Variants in UBE2D4 observed in about 807,000 individuals in gnomAD.
UBE2D4 encodes the protein ubiquitin-conjugating enzyme E2 D4.
UBE2D4 carries 17 observed loss-of-function variants against 23.0 expected under a neutral mutation model. The ratio of observed to expected loss-of-function variants is 0.74; its 90% CI spans 0.51 to 1.11. The LOEUF (loss-of-function observed/expected upper bound fraction) is 1.11, where lower values mean the gene tolerates loss of function less well. Among genes scored for constraint, UBE2D4 ranks in the 50% least tolerant of loss-of-function variants. The pLI, the probability that UBE2D4 is intolerant of heterozygous loss-of-function variation, is 0.00. For missense variants in UBE2D4, 139 were observed against 181.8 expected (o/e 0.76, Z 1.35); for synonymous variants, 61 against 69.4 (o/e 0.88, Z 0.60).
intron 1 of UBE2D4, among the ~76,000 whole-genome samples, chr7:43,933,011 T>TATATATATATATATATATAC: frequency 8.6e-6 from 1 of 116,298 alleles, no homozygotes; most frequent in African/African-American, 3.2e-5. Flanking sequence ...TATATATATA[T>TATATATATATATATATATAC]ATACACACAC....
At position 43,952,989 on chromosome 7, in the gene UBE2D4, T is replaced by C. The variant is rs1043184040; in HGVS notation, c.*294T>C. On this transcript the variant is annotated 3_prime_UTR_variant, in exon 7 of 7. Coordinates refer to ENST00000222402, the MANE Select transcript of UBE2D4 (RefSeq NM_015983.4). ...CGCCTCAGTTTGTCTGCTGGTCTCTTGGGGGGCCAGGCCCTGCACGTCTCT... is the reference window on the plus strand; with the variant it reads ...CGCCTCAGTTTGTCTGCTGGTCTCTCGGGGGGCCAGGCCCTGCACGTCTCT... The C allele has an allele frequency of 2.5e-6, 1 of 404,488 alleles. No individual in the cohort carries two copies. Among genetic ancestry groups the C allele is most frequent in the Non-Finnish European group, 4.8e-6 (1 of 209,678 alleles). 25.1% of individuals were successfully genotyped at this position (404,488 alleles called of 1,614,324 possible).
At chr7:43,942,194 T>A (rs1018832967) in intron 2 of UBE2D4, 1 of 154,142 alleles carries the variant, frequency 6.5e-6, no homozygotes, top group African/African-American at 2.4e-5. Context: ...CACACACCTG[T>A]TGTCCCAGCT....
At chr7:43,933,521 G>A (rs866893874) in intron 1 of UBE2D4, among the ~76,000 whole-genome samples, 3 of 151,988 alleles carry the variant, frequency 2.0e-5, no homozygotes, top group African/African-American at 4.8e-5. Flanking sequence ...CAGGAGGATC[G>A]CTTGAGGTCA....
intron 1 of UBE2D4, among the ~76,000 whole-genome samples, chr7:43,928,901 G>A (rs777891785): frequency 2.6e-5 from 4 of 152,106 alleles, no homozygotes; most frequent in Non-Finnish European, 5.9e-5. Context: ...ATAAAAGGGA[G>A]CGTTTGGAAA....
chr7:43,938,608 G>A, intron 2 of UBE2D4, 114 bp downstream of exon 2: 1 of 999,610 alleles, frequency 1.0e-6, no homozygotes, highest in South Asian at 1.4e-5. Context: ...AGCCAAGGTG[G>A]GTGGATCACC....
chr7:43,945,844 G>A (rs1314395403), intron 4 of UBE2D4, among the ~76,000 whole-genome samples: 1 of 143,494 alleles, frequency 7.0e-6, no homozygotes, highest in Non-Finnish European at 1.5e-5. Flanking sequence ...GTGCAGTGGC[G>A]TGATCTCGGC....
At chr7:43,928,035 C>A in intron 1 of UBE2D4, 1 of 453,590 alleles carries the variant, frequency 2.2e-6, no homozygotes, top group South Asian at 1.6e-5. Context: ...AGCATGGTGC[C>A]AGCATCTGCT....
chr7:43,954,257 C>CT lies in UBE2D4; in HGVS notation c.*1590dup, dbSNP rs774290334. On this transcript the variant is annotated 3_prime_UTR_variant, in exon 7 of 7. Transcript: ENST00000222402. Reference sequence around the variant, plus strand: ...TGCATCTCACCATGTTGAGGATTGCCTTTTTTTTTTTTTTTTTTTTTTTTT... The same window carrying CT: ...TGCATCTCACCATGTTGAGGATTGCCTTTTTTTTTTTTTTTTTTTTTTTTTT... 0.065 allele frequency: 4,614 copies of CT among 70,564 alleles called. 523 individuals are homozygous for CT. The highest frequency in any genetic ancestry group is 0.085 in the Admixed American group (448 of 5,262). The allele number at this position is 70,564 out of a possible 1,614,324, so 4.4% of individuals were successfully genotyped here.
chr7:43,948,967 T>C (rs913464009), intron 5 of UBE2D4: 1 of 491,336 alleles, frequency 2.0e-6, no homozygotes, highest in African/African-American at 1.9e-5. Flanking sequence ...CCTGGTGTGC[T>C]CAAGACTGTC....
At chr7:43,933,895 C>T (rs1585859502) in intron 1 of UBE2D4, among the ~76,000 whole-genome samples, 1 of 152,162 alleles carries the variant, frequency 6.6e-6, no homozygotes, top group East Asian at 1.9e-4. Context: ...ACTTAGATGT[C>T]ACTATCTGTA....
intron 2 of UBE2D4, chr7:43,941,653 A>G (rs370268499): frequency 2.3e-4 from 35 of 152,286 alleles, no homozygotes; most frequent in African/African-American, 7.7e-4. Flanking sequence ...GGGCTTCACA[A>G]TGAATCAGGA....
In UBE2D4 at chr7:43,956,024, C is replaced by G. The variant is rs1480725834; in HGVS notation, c.*3329C>G. The G allele has an allele frequency of 6.6e-6, 1 of 152,160 alleles. No individual in the cohort carries two copies. Among genetic ancestry groups the G allele is most frequent in the Non-Finnish European group, 1.5e-5 (1 of 68,044 alleles). The allele number at this position is 152,160 out of a possible 1,614,324, so 9.4% of individuals were successfully genotyped here. A position where few individuals can be genotyped will look rare whatever the true frequency, so the allele number is the denominator to read the frequency against. On this transcript the variant is annotated 3_prime_UTR_variant, in exon 7 of 7. Coordinates refer to ENST00000222402, the MANE Select transcript of UBE2D4 (RefSeq NM_015983.4). ...GTGAGAGGAAAAGGGACTTGTTCTC[C>G]CTTGACCAGTTTTCTAGTTTTCCTG...
chr7:43,948,816 C>G, intron 5 of UBE2D4, 79 bp downstream of exon 5: 1 of 1,179,400 alleles, frequency 8.5e-7, no homozygotes, highest in Non-Finnish European at 1.3e-6. Flanking sequence ...GAAATGGAAG[C>G]TCAGAGAAAG....
chr7:43,938,199 TTCA>T (rs2095962777), intron 1 of UBE2D4, among the ~76,000 whole-genome samples: 1 of 152,104 alleles, frequency 6.6e-6, no homozygotes, highest in Admixed American at 6.6e-5. Flanking sequence ...AGTAGGTAAC[TTCA>T]TCACTTTACA....
At position 43,954,753 on chromosome 7, in the gene UBE2D4, A is replaced by G. The variant is rs2096010093; in HGVS notation, c.*2058A>G. The G allele has an allele frequency of 6.6e-6, 1 of 152,224 alleles. No individual in the cohort carries two copies. Among genetic ancestry groups the G allele is most frequent in the African/African-American group, 2.4e-5 (1 of 41,460 alleles). The allele number at this position is 152,224 out of a possible 1,614,324, so 9.4% of individuals were successfully genotyped here. ...ATCATGTGCTTCAGGCAGTTGTCACACTGCATCTACAGCCAAGCATCACAG... is the reference window on the plus strand; with the variant it reads ...ATCATGTGCTTCAGGCAGTTGTCACGCTGCATCTACAGCCAAGCATCACAG... On this transcript the variant is annotated 3_prime_UTR_variant, in exon 7 of 7. Coordinates refer to ENST00000222402, the MANE Select transcript of UBE2D4 (RefSeq NM_015983.4).
chr7:43,931,755 G>T (rs1046673359), intron 1 of UBE2D4, among the ~76,000 whole-genome samples: 1 of 152,138 alleles, frequency 6.6e-6, no homozygotes, highest in Admixed American at 6.6e-5. Context: ...CTGGAGTGCA[G>T]TGGTGCAATT....
intron 1 of UBE2D4, among the ~76,000 whole-genome samples, chr7:43,929,870 G>A (rs1318316434): frequency 3.3e-5 from 5 of 152,328 alleles, no homozygotes; most frequent in South Asian, 4.2e-4. Context: ...CAAGCCTGCC[G>A]TGGTGAGATG....
At chr7:43,943,615 ATTAAG>A (rs2095978587) in intron 4 of UBE2D4, 1 of 156,568 alleles carries the variant, frequency 6.4e-6, no homozygotes, top group Admixed American at 6.1e-5. Context: ...ACTTTTCTTT[ATTAAG>A]TTAAAAGAAT....
intron 1 of UBE2D4, among the ~76,000 whole-genome samples, chr7:43,927,029 G>T (rs1274272056): frequency 6.6e-6 from 1 of 152,206 alleles, no homozygotes; most frequent in African/African-American, 2.4e-5. Context: ...TGTGGACTTG[G>T]GTGGTCCTTA....
Sources: gnomAD v4.1 joint callset for allele counts (sites outside exome capture counted in the v4.1 genomes callset) on GRCh38, gnomAD v4.1.1 for gene constraint, MANE v1.5 for transcripts, NCBI Gene and HGNC (gene_info 2026-07-23, HGNC 2026-07-21) for gene names.